Variants in GLDN observed in about 807,000 individuals in gnomAD.
GLDN encodes gliomedin, also known as collomin.
In GLDN, 47 loss-of-function variants were observed where a neutral mutation model predicts 56.5. That is an observed-to-expected ratio of 0.83 (90% CI 0.66 to 1.06). The LOEUF (loss-of-function observed/expected upper bound fraction) is 1.06. Ranked by LOEUF, GLDN falls within the 50% of genes least tolerant of loss-of-function variation. GLDN has a pLI of 0.00. For missense variants in GLDN, 782 were observed against 714.3 expected (o/e 1.09, Z -1.08); for synonymous variants, 332 against 278.8 (o/e 1.19, Z -1.90).
chr15:51,342,354 G>A (rs182107386), intron 1 of GLDN, among the ~76,000 whole-genome samples: 2 of 152,370 alleles, frequency 1.3e-5, no homozygotes, highest in African/African-American at 4.8e-5. Context: ...TCTCAGCTTA[G>A]ACAAGTTTTC....
chr15:51,364,099 T>C (rs2037355604), intron 1 of GLDN, among the ~76,000 whole-genome samples: 1 of 152,210 alleles, frequency 6.6e-6, no homozygotes, highest in Non-Finnish European at 1.5e-5. Flanking sequence ...CTTTAGCTTG[T>C]TGAATCTATG....
At chr15:51,373,512 T>A (rs751631276) in intron 1 of GLDN, among the ~76,000 whole-genome samples, 1 of 152,214 alleles carries the variant, frequency 6.6e-6, no homozygotes, top group Admixed American at 6.5e-5. Flanking sequence ...TACTGAATAA[T>A]GATAAGTGCT....
chr15:51,369,082 CAGAAA>C (rs1422409905), intron 1 of GLDN: 2 of 152,174 alleles, frequency 1.3e-5, no homozygotes, highest in Non-Finnish European at 2.9e-5. Context: ...CTGCCTTTCC[CAGAAA>C]TGAGTCCAGG....
intron 1 of GLDN, among the ~76,000 whole-genome samples, chr15:51,371,113 T>C (rs1419789671): frequency 6.6e-6 from 1 of 152,244 alleles, no homozygotes; most frequent in Non-Finnish European, 1.5e-5. Context: ...TGTGTACTTA[T>C]ACAAAAACAT....
At chr15:51,381,120 C>T (rs552896464) in intron 2 of GLDN, among the ~76,000 whole-genome samples, 30 of 152,282 alleles carry the variant, frequency 2.0e-4, no homozygotes, top group Admixed American at 2.0e-4. Context: ...TTGCAGGACA[C>T]CCTAATCTAA....
At chr15:51,356,008 C>T (rs570266267) in intron 1 of GLDN, among the ~76,000 whole-genome samples, 71 of 150,032 alleles carry the variant, frequency 4.7e-4, no homozygotes, top group Non-Finnish European at 9.4e-4. Context: ...AAGATCGAGA[C>T]CATCCTGGCT....
In GLDN at chr15:51,373,716, G is replaced by A. The variant is rs187780249; in HGVS notation, c.364-3733G>A. Among the ~76,000 whole-genome samples, 297 of 152,344 alleles carry A rather than the reference G, an allele frequency of 1.9e-3. 8 individuals are homozygous for A. The highest frequency in any genetic ancestry group is 2.1e-3 in the Non-Finnish European group (140 of 68,034). ...GCAGAGTGACAGTGATGGGCAGGGAGGGGGAGAGCACTGGGAGATGCCCTA... is the reference window on the plus strand; with the variant it reads ...GCAGAGTGACAGTGATGGGCAGGGAAGGGGAGAGCACTGGGAGATGCCCTA... On this transcript the variant is annotated intron_variant, in intron 1 of 9. Coordinates refer to ENST00000335449, the MANE Select transcript of GLDN (RefSeq NM_181789.4).
At chr15:51,361,279 T>C (rs1260512907) in intron 1 of GLDN, among the ~76,000 whole-genome samples, 1 of 152,232 alleles carries the variant, frequency 6.6e-6, no homozygotes, top group African/African-American at 2.4e-5. Context: ...GCCTCTAATT[T>C]GTCACCTTTA....
intron 1 of GLDN, among the ~76,000 whole-genome samples, chr15:51,373,725 C>A (rs2037563846): frequency 6.6e-6 from 1 of 152,164 alleles, no homozygotes; most frequent in African/African-American, 2.4e-5. Context: ...AGGGGGAGAG[C>A]ACTGGGAGAT....
intron 1 of GLDN, among the ~76,000 whole-genome samples, chr15:51,376,290 G>T (rs557019187): frequency 6.6e-6 from 1 of 152,216 alleles, no homozygotes; most frequent in Non-Finnish European, 1.5e-5. Flanking sequence ...AATGCTGTAG[G>T]CAACTGTAAC....
chr15:51,403,348 A>G (rs1274492938), intron 9 of GLDN, among the ~76,000 whole-genome samples: 1 of 152,162 alleles, frequency 6.6e-6, no homozygotes, highest in African/African-American at 2.4e-5. Context: ...GACCTTCCCA[A>G]GCCTCACTAT....
At chr15:51,389,735 C>T (rs977494807) in intron 4 of GLDN, among the ~76,000 whole-genome samples, 12 of 152,228 alleles carry the variant, frequency 7.9e-5, no homozygotes, top group East Asian at 1.9e-4. Context: ...TTTTTCGAGA[C>T]GGTAACTGCA....
chr15:51,387,778 C>T (rs904108719), intron 4 of GLDN, among the ~76,000 whole-genome samples: 1 of 152,044 alleles, frequency 6.6e-6, no homozygotes, highest in Non-Finnish European at 1.5e-5. Flanking sequence ...GAGTTAGGGA[C>T]CCATTTAGGG....
intron 1 of GLDN, chr15:51,367,296 T>A (rs771274003): frequency 6.6e-6 from 1 of 152,246 alleles, no homozygotes; most frequent in African/African-American, 2.4e-5. Flanking sequence ...TCCAAAGCCC[T>A]GATTTCAACT....
chr15:51,395,971 C>T (rs1413581950), intron 5 of GLDN, among the ~76,000 whole-genome samples: 1 of 152,026 alleles, frequency 6.6e-6, no homozygotes, highest in Non-Finnish European at 1.5e-5. Flanking sequence ...GACCGAATCT[C>T]GCAATAACTC....
intron 1 of GLDN, among the ~76,000 whole-genome samples, chr15:51,367,141 GC>G (rs1246965113): frequency 6.6e-6 from 1 of 152,196 alleles, no homozygotes; most frequent in African/African-American, 2.4e-5. Context: ...GCCATCTGCG[GC>G]CTCTGCTGGC....
chr15:51,407,787 G>A lies in GLDN; in HGVS notation c.*3033G>A, dbSNP rs1245486972. ...TGAGGTGTCATCTTCCAACCACACA[G>A]AGGACGTTTTGGCTATGATCATCTG... On this transcript the variant is annotated 3_prime_UTR_variant, in exon 10 of 10. Transcript: ENST00000335449. The A allele has an allele frequency of 6.6e-6, 1 of 152,224 alleles. No homozygotes were observed. The highest frequency in any genetic ancestry group is 2.4e-5 in the African/African-American group (1 of 41,458). The allele number at this position is 152,224 out of a possible 1,614,324, so 9.4% of individuals were successfully genotyped here.
intron 1 of GLDN, among the ~76,000 whole-genome samples, chr15:51,357,190 C>CCTTTCA (rs760071764): frequency 6.6e-5 from 10 of 152,168 alleles, no homozygotes; most frequent in Non-Finnish European, 1.2e-4. Flanking sequence ...CTTTCGCTTT[C>CCTTTCA]CTTTCACTTT....
chr15:51,365,621 G>A (rs1804015778), intron 1 of GLDN, among the ~76,000 whole-genome samples: 1 of 152,166 alleles, frequency 6.6e-6, no homozygotes, highest in Non-Finnish European at 1.5e-5. Flanking sequence ...CCAGTGAGTG[G>A]ACGAGCTAGA....
Sources: gnomAD v4.1 joint callset for allele counts (sites outside exome capture counted in the v4.1 genomes callset) on GRCh38, gnomAD v4.1.1 for gene constraint, MANE v1.5 for transcripts, NCBI Gene and HGNC (gene_info 2026-07-23, HGNC 2026-07-21) for gene names.